The following MTDH variants were observed in gnomAD, a reference collection of about 807,000 sequenced individuals.
MTDH encodes the protein metadherin, also known as protein LYRIC.
Under a neutral mutation model 72.7 loss-of-function variants are expected in MTDH, and 34 were observed. The observed-to-expected ratio is 0.47, with a 90% CI of 0.36 to 0.62. The LOEUF (loss-of-function observed/expected upper bound fraction) is 0.62, where lower values mean the gene tolerates loss of function less well. MTDH is among the 20% of genes least tolerant of loss of function. The pLI, the probability that MTDH is intolerant of heterozygous loss-of-function variation, is 0.00. For missense variants in MTDH, 677 were observed against 699.4 expected (o/e 0.97, Z 0.36); for synonymous variants, 266 against 268.9 (o/e 0.99, Z 0.10).
At chr8:97,665,848 C>T (rs1419391671) in intron 2 of MTDH, among the ~76,000 whole-genome samples, 5 of 152,104 alleles carry the variant, frequency 3.3e-5, no homozygotes, top group African/African-American at 4.8e-5. Context: ...AAGATCTGGC[C>T]GGGCGCGGTG....
At chr8:97,682,879 G>C (rs1358770822) in intron 2 of MTDH, among the ~76,000 whole-genome samples, 1 of 151,632 alleles carries the variant, frequency 6.6e-6, no homozygotes, top group African/African-American at 2.4e-5. Context: ...TGGGGAACAG[G>C]GTTTAGAATG....
intron 2 of MTDH, among the ~76,000 whole-genome samples, chr8:97,682,266 A>ATATATATATG (rs1813156712): frequency 1.8e-4 from 1 of 5,686 alleles, no homozygotes; most frequent in African/African-American, 8.3e-4. Flanking sequence ...ATATATATAT[A>ATATATATATG]TATATATATA....
chr8:97,674,154 GA>G (rs1812748732), intron 2 of MTDH, among the ~76,000 whole-genome samples: 1 of 152,036 alleles, frequency 6.6e-6, no homozygotes, highest in Admixed American at 6.6e-5. Flanking sequence ...CCCTGTCTCT[GA>G]AAAGAACAAA....
intron 2 of MTDH, among the ~76,000 whole-genome samples, chr8:97,682,161 T>C (rs1201722374): frequency 2.7e-5 from 4 of 145,474 alleles, no homozygotes; most frequent in Non-Finnish European, 6.0e-5. Context: ...ATCACATATT[T>C]ATTTTAAAGT....
intron 1 of MTDH, among the ~76,000 whole-genome samples, chr8:97,646,245 A>G (rs2512450): frequency 0.17 from 26,515 of 152,132 alleles, 3,470 homozygotes; most frequent in African/African-American, 0.34. Context: ...TGAGGCCTGG[A>G]TAGGCCTTCA....
chr8:97,700,926 G>A (rs890689050), intron 7 of MTDH, among the ~76,000 whole-genome samples: 1 of 152,114 alleles, frequency 6.6e-6, no homozygotes, highest in African/African-American at 2.4e-5. Context: ...ACAGATTAAG[G>A]GAGATGAGGA....
Position 97,706,732 on chromosome 8 carries a change from A to G in MTDH, c.1254A>G (p.Pro418=), listed in dbSNP as rs1814370547. 1.9e-6 allele frequency: 3 copies of G among 1,613,642 alleles called. No individual in the cohort carries two copies. The East Asian group carries it at 6.7e-5, about 36-fold the overall frequency. ...ERASLLKSQE[P]IPDDQKVSDD... ...CTTCACTTCTAAAGTCCCAGGAACC[A>G]ATTCCTGATGATCAAAAGGTGAGTA... Residue 418 remains proline, a synonymous_variant, in exon 8 of 12, where the codon CCA becomes CCG. Transcript: ENST00000336273.
intron 4 of MTDH, 134 bp from the exon 5 acceptor site, chr8:97,688,904 A>G (rs191623785): frequency 4.4e-5 from 17 of 390,040 alleles, no homozygotes; most frequent in Admixed American, 1.3e-4. Flanking sequence ...ACTTTTTTCC[A>G]GTGGAAGAAT....
At chr8:97,676,500 C>G (rs771761874) in intron 2 of MTDH, among the ~76,000 whole-genome samples, 2 of 152,170 alleles carry the variant, frequency 1.3e-5, no homozygotes, top group Non-Finnish European at 2.9e-5. Flanking sequence ...TTGAATAGCT[C>G]TACTCTTGCT....
intron 1 of MTDH, among the ~76,000 whole-genome samples, chr8:97,654,867 A>G (rs1334531729): frequency 6.6e-6 from 1 of 152,166 alleles, no homozygotes. Flanking sequence ...TAGGAGGCCA[A>G]GGCAGGTGGA....
intron 7 of MTDH, among the ~76,000 whole-genome samples, chr8:97,706,018 A>G (rs888610879): frequency 6.6e-6 from 1 of 152,258 alleles, no homozygotes; most frequent in Non-Finnish European, 1.5e-5. Flanking sequence ...AAGTTATTCA[A>G]ATGTTTTTGA....
chr8:97,716,410 G>A (rs1295552090), intron 9 of MTDH, among the ~76,000 whole-genome samples: 1 of 151,426 alleles, frequency 6.6e-6, no homozygotes, highest in African/African-American at 2.4e-5. Context: ...AAAAAGTTAG[G>A]CCGGGTGCGG....
chr8:97,707,285 G>A (rs1586271035), intron 8 of MTDH, among the ~76,000 whole-genome samples: 2 of 151,390 alleles, frequency 1.3e-5, no homozygotes, highest in East Asian at 3.9e-4. Context: ...CTGAGTAGCT[G>A]GGATTACTAG....
intron 6 of MTDH, among the ~76,000 whole-genome samples, chr8:97,696,840 A>G (rs951602942): frequency 1.3e-5 from 2 of 151,892 alleles, no homozygotes; most frequent in African/African-American, 4.8e-5. Flanking sequence ...ATGGGAGGCC[A>G]GGTGTGGTGG....
In MTDH at chr8:97,721,053, G is replaced by C. The variant is rs142076221; in HGVS notation, c.1522-1826G>C. Among the ~76,000 whole-genome samples, 1,089 of 152,172 alleles carry C rather than the reference G, an allele frequency of 7.2e-3. 19 individuals are homozygous for C. The highest frequency in any genetic ancestry group is 0.024 in the African/African-American group (1,005 of 41,522). On this transcript the variant is annotated intron_variant, in intron 10 of 11. Transcript: ENST00000336273. ...AATGTAGATAAGTGAGAGAACAAAGGGGAAAAGGAGATTAAAAATAAGTAA... is the reference window on the plus strand; with the variant it reads ...AATGTAGATAAGTGAGAGAACAAAGCGGAAAAGGAGATTAAAAATAAGTAA...
chr8:97,715,850 T>C (rs563896969), intron 9 of MTDH, among the ~76,000 whole-genome samples: 1 of 152,364 alleles, frequency 6.6e-6, no homozygotes, highest in Non-Finnish European at 1.5e-5. Flanking sequence ...TTTAACGTAT[T>C]GGCAAAGGTC....
chr8:97,679,698 T>G (rs1812993176), intron 2 of MTDH, among the ~76,000 whole-genome samples: 1 of 152,220 alleles, frequency 6.6e-6, no homozygotes, highest in Non-Finnish European at 1.5e-5. Context: ...ATCAGTGTAG[T>G]AGAATGTGTA....
At chr8:97,682,281 T>TA (rs1813168312) in intron 2 of MTDH, among the ~76,000 whole-genome samples, 7 of 2,362 alleles carry the variant, frequency 3.0e-3, no homozygotes, top group African/African-American at 8.4e-3. Flanking sequence ...TATATATATA[T>TA]TTTTTTTTTT....
chr8:97,697,546 C>T (rs1329064173), intron 6 of MTDH, among the ~76,000 whole-genome samples: 7 of 151,816 alleles, frequency 4.6e-5, no homozygotes, highest in Admixed American at 6.6e-5. Flanking sequence ...CCACCACACC[C>T]GGCTAATTTT....
Sources: gnomAD v4.1 joint callset for allele counts (sites outside exome capture counted in the v4.1 genomes callset) on GRCh38, gnomAD v4.1.1 for gene constraint, MANE v1.5 for transcripts, NCBI Gene and HGNC (gene_info 2026-07-23, HGNC 2026-07-21) for gene names.